Variants in MYO9B observed in about 807,000 individuals in gnomAD.
MYO9B encodes unconventional myosin-IXb.
MYO9B carries 71 observed loss-of-function variants against 229.5 expected under a neutral mutation model. The observed-to-expected ratio is 0.31, with a 90% confidence interval of 0.26 to 0.38. MYO9B has a LOEUF of 0.38. Ranked by LOEUF, MYO9B falls within the 10% of genes least tolerant of loss-of-function variation. MYO9B has a pLI of 1.00. For missense variants in MYO9B, 2,255 were observed against 2,920.5 expected (o/e 0.77, Z 5.25); for synonymous variants, 1,185 against 1,235.8 (o/e 0.96, Z 0.86).
chr19:17,104,010 C>T (rs1049098218), intron 2 of MYO9B, among the ~76,000 whole-genome samples: 1 of 150,070 alleles, frequency 6.7e-6, no homozygotes, highest in Non-Finnish European at 1.5e-5. Flanking sequence ...GAGCCAAGAT[C>T]GCTTCACTGC....
At chr19:17,161,144 C>T (rs778836232) in intron 8 of MYO9B, among the ~76,000 whole-genome samples, 4 of 152,256 alleles carry the variant, frequency 2.6e-5, no homozygotes, top group South Asian at 2.1e-4. Flanking sequence ...ATGGTGCACC[C>T]GGAAGAACAA....
chr19:17,180,468 G>A (rs2072846178), intron 14 of MYO9B, among the ~76,000 whole-genome samples: 1 of 146,312 alleles, frequency 6.8e-6, no homozygotes, highest in Non-Finnish European at 1.5e-5. Flanking sequence ...TTCTGCCTCA[G>A]CCTCCCACGT....
chr19:17,155,248 C>T (rs890920472), intron 6 of MYO9B, among the ~76,000 whole-genome samples: 2 of 151,556 alleles, frequency 1.3e-5, no homozygotes, highest in East Asian at 2.0e-4. Context: ...AGTGAAGTGG[C>T]GAGATCATGG....
rs181715138 is a variant in MYO9B, at chr19:17,209,856, C to G, written c.5748+147C>G. The stretch of plus-strand genomic sequence containing the variant: ...CCTTGGGTGGGCAGGACCTCCCATG[C>G]CGAGGATGGGACCGGGTAGTGGGTG... On this transcript the variant is annotated intron_variant, in intron 36 of 39. Coordinates refer to ENST00000682292, the MANE Select transcript of MYO9B (RefSeq NM_004145.4). 1.6e-3 allele frequency: 1,863 copies of G among 1,130,250 alleles called. 16 individuals carry two copies. The African/African-American group carries it at 0.025, about 15-fold the overall frequency. The allele number at this position is 1,130,250 out of a possible 1,614,324, so 70.0% of individuals were successfully genotyped here.
intron 1 of MYO9B, among the ~76,000 whole-genome samples, chr19:17,100,066 G>C (rs2057730323): frequency 6.6e-6 from 1 of 151,338 alleles, no homozygotes; most frequent in African/African-American, 2.4e-5. Flanking sequence ...AGGTTGCAGT[G>C]AGCCGACATC....
chr19:17,189,695 G>A (rs1191632573), intron 19 of MYO9B, among the ~76,000 whole-genome samples: 1 of 151,946 alleles, frequency 6.6e-6, no homozygotes, highest in African/African-American at 2.4e-5. Context: ...CCATTGCAAG[G>A]GTGACTGTGG....
At chr19:17,184,561 G>T in intron 16 of MYO9B, 1 of 312,994 alleles carries the variant, frequency 3.2e-6, no homozygotes, top group Non-Finnish European at 6.1e-6. Flanking sequence ...GGAGAGGGAC[G>T]GCCAGGTTCA....
intron 13 of MYO9B, 133 bp from the exon 14 acceptor site, chr19:17,175,530 G>C: frequency 3.2e-6 from 2 of 622,800 alleles, no homozygotes; most frequent in East Asian, 3.4e-5. Flanking sequence ...AGTGGGCCGA[G>C]ATCGCGCCAC....
intron 19 of MYO9B, 149 bp from the exon 20 acceptor site, chr19:17,190,948 A>G: frequency 3.5e-6 from 3 of 846,276 alleles, no homozygotes; most frequent in East Asian, 2.9e-5. Flanking sequence ...CCCGGCCCAG[A>G]CTATTTCTGA....
chr19:17,091,651 A>C (rs1334838020), intron 1 of MYO9B, among the ~76,000 whole-genome samples: 4 of 152,186 alleles, frequency 2.6e-5, no homozygotes, highest in Non-Finnish European at 4.4e-5. Context: ...CTGTGGGAGC[A>C]GGAGAGGACC....
chr19:17,144,078 T>C (rs761328441), intron 2 of MYO9B, among the ~76,000 whole-genome samples: 7 of 152,138 alleles, frequency 4.6e-5, no homozygotes, highest in Non-Finnish European at 5.9e-5. Context: ...AGGCTAGGCA[T>C]GGTGGTGCAT....
At position 17,210,696 on chromosome 19, in the gene MYO9B, C is replaced by G; in HGVS notation, c.5797-19C>G. 5 of 1,524,294 alleles carry G rather than the reference C, an allele frequency of 3.3e-6. No homozygotes were observed. Among genetic ancestry groups the G allele is most frequent in the Non-Finnish European group, 4.4e-6 (5 of 1,134,402 alleles). The allele number at this position is 1,524,294 out of a possible 1,614,324, so 94.4% of individuals were successfully genotyped here. Reference sequence around the variant, plus strand: ...CCCACTCAGAGATGTCAGTGGGACCCCTTGCTTCTTTGTTTCAGAACAAGA... The same window carrying G: ...CCCACTCAGAGATGTCAGTGGGACCGCTTGCTTCTTTGTTTCAGAACAAGA... On this transcript the variant is annotated intron_variant, in intron 37 of 39. Coordinates refer to ENST00000682292, the MANE Select transcript of MYO9B (RefSeq NM_004145.4).
chr19:17,130,635 TTAACCAGGCATGGTGGTGCACACCTG>T (rs1488977220), intron 2 of MYO9B, among the ~76,000 whole-genome samples: 52 of 148,550 alleles, frequency 3.5e-4, no homozygotes, highest in African/African-American at 1.3e-3. Flanking sequence ...AAAAAAAAAA[TTAACCAGGCATGGTGGTGCACACCTG>T]TACTCCCCAC....
chr19:17,206,856 G>C, intron 34 of MYO9B, 72 bp downstream of exon 34: 1 of 1,362,566 alleles, frequency 7.3e-7, no homozygotes, highest in Middle Eastern at 1.8e-4. Flanking sequence ...CATTTCCCAG[G>C]AGGACCCGAG....
chr19:17,132,540 T>A (rs1198023016), intron 2 of MYO9B, among the ~76,000 whole-genome samples: 1 of 140,288 alleles, frequency 7.1e-6, no homozygotes. Context: ...TTTTTTTTTT[T>A]TTTTTTGAGA....
chr19:17,141,402 C>T (rs1308637058), intron 2 of MYO9B, among the ~76,000 whole-genome samples: 10 of 152,158 alleles, frequency 6.6e-5, no homozygotes, highest in Admixed American at 5.2e-4. Flanking sequence ...GACTGCAGGG[C>T]GTGCCCCCTG....
intron 17 of MYO9B, among the ~76,000 whole-genome samples, chr19:17,185,228 G>GC (rs2072904733): frequency 6.6e-6 from 1 of 152,118 alleles, no homozygotes; most frequent in Admixed American, 6.6e-5. Context: ...ACAAAAATTA[G>GC]CCGGGCGTAG....
At position 17,212,783 on chromosome 19, in the gene MYO9B, G is replaced by T. The variant is rs775881375; in HGVS notation, c.*473G>T. The T allele has an allele frequency of 5.8e-5, 9 of 154,646 alleles. No individual in the cohort carries two copies. Among genetic ancestry groups the T allele is most frequent in the Non-Finnish European group, 1.3e-4 (9 of 69,602 alleles). The allele number at this position is 154,646 out of a possible 1,614,324, so 9.6% of individuals were successfully genotyped here. ...GCGTCTGAGGCTCAGACCCTGCTGT[G>T]GTTGGCTTGGGGTGGCCAATGGGCT... On this transcript the variant is annotated 3_prime_UTR_variant, in exon 40 of 40. Transcript: ENST00000682292. The surrounding 1 kb of genome is among the most constrained non-coding windows in gnomAD (Gnocchi z 5.4).
At chr19:17,138,207 A>G (rs2072295000) in intron 2 of MYO9B, among the ~76,000 whole-genome samples, 1 of 152,114 alleles carries the variant, frequency 6.6e-6, no homozygotes, top group Non-Finnish European at 1.5e-5. Context: ...AGCTTCATCC[A>G]TGTCCCTGCA....
Sources: allele counts gnomAD v4.1 joint callset (sites outside exome capture counted in the v4.1 genomes callset), GRCh38; gene constraint gnomAD v4.1.1; non-coding constraint Gnocchi (gnomAD v3.1); transcripts MANE v1.5; gene names NCBI Gene and HGNC (gene_info 2026-07-23, HGNC 2026-07-21).